The following KYNU variants were observed in gnomAD, a reference collection of about 807,000 sequenced individuals.
The protein encoded by KYNU is L-kynurenine hydrolase.
KYNU carries 54 observed loss-of-function variants against 59.2 expected under a neutral mutation model. The ratio of observed to expected loss-of-function variants is 0.91; its 90% CI spans 0.73 to 1.14. The LOEUF (loss-of-function observed/expected upper bound fraction) is 1.14. Among genes scored for constraint, KYNU ranks in the 50% most tolerant of loss-of-function variants. KYNU has a pLI of 0.00. For synonymous variants in KYNU, 177 were observed against 192.0 expected (o/e 0.92, Z 0.65); for missense variants, 567 against 554.4 (o/e 1.02, Z -0.23).
chr2:142,973,993 A>G (rs912110938), intron 8 of KYNU, among the ~76,000 whole-genome samples: 2 of 152,234 alleles, frequency 1.3e-5, no homozygotes, highest in African/African-American at 4.8e-5. Context: ...ATACTTATGT[A>G]TGCTCCAATT....
At chr2:143,026,763 C>A (rs1686584362) in intron 10 of KYNU, among the ~76,000 whole-genome samples, 1 of 147,216 alleles carries the variant, frequency 6.8e-6, no homozygotes, top group Non-Finnish European at 1.5e-5. Context: ...GTCCGCAGTC[C>A]GCATTAGTGT....
chr2:142,938,365 T>C (rs1253563551), intron 4 of KYNU, among the ~76,000 whole-genome samples: 1 of 152,184 alleles, frequency 6.6e-6, no homozygotes, highest in African/African-American at 2.4e-5. Flanking sequence ...CAAGCCATAA[T>C]AGACTCAGAG....
intron 8 of KYNU, among the ~76,000 whole-genome samples, chr2:142,964,086 T>C (rs556211840): frequency 6.6e-6 from 1 of 152,140 alleles, no homozygotes; most frequent in Non-Finnish European, 1.5e-5. Flanking sequence ...TGTGTGAGAT[T>C]CATTCATGCA....
rs1573931921 is a variant in KYNU, at chr2:143,055,682, G to A, written c.*13510G>A. On this transcript the variant is annotated 3_prime_UTR_variant, in exon 14 of 14. Coordinates refer to ENST00000264170, the MANE Select transcript of KYNU (RefSeq NM_003937.3). ...AGGAAGGAAGGAAGGAAGGAAGGAA[G>A]GAAAGGGAGGAGAGGAGAGGAGAGG... The A allele has an allele frequency of 1.4e-5, 2 of 146,266 alleles. No individual in the cohort carries two copies. The highest frequency in any genetic ancestry group is 6.8e-5 in the Admixed American group (1 of 14,630). The allele number at this position is 146,266 out of a possible 1,614,324, so 9.1% of individuals were successfully genotyped here. A position where few individuals can be genotyped will look rare whatever the true frequency, so the allele number is the denominator to read the frequency against.
chr2:142,981,294 T>A (rs186465213), intron 8 of KYNU, among the ~76,000 whole-genome samples: 9 of 152,260 alleles, frequency 5.9e-5, no homozygotes, highest in African/African-American at 2.2e-4. Flanking sequence ...CTTAGAAAAA[T>A]TGAGTTGTAA....
At chr2:142,966,516 G>A (rs893517172) in intron 8 of KYNU, among the ~76,000 whole-genome samples, 1 of 152,152 alleles carries the variant, frequency 6.6e-6, no homozygotes, top group Non-Finnish European at 1.5e-5. Flanking sequence ...ACAGCTGTTA[G>A]TTTTGCTACA....
chr2:142,985,126 G>A lies in KYNU; in HGVS notation c.772G>A (p.Val258Ile). ...GFDLAHAVGN[V>I]ELYLHDWGVD... ...TGATCTAGCACATGCAGTTGGAAATGTTGAACTCTACTTACATGACTGGGG... is the reference window on the plus strand; with the variant it reads ...TGATCTAGCACATGCAGTTGGAAATATTGAACTCTACTTACATGACTGGGG... Residue 258 changes from valine (V) to isoleucine (I), a missense_variant, in exon 9 of 14, where the codon GTT becomes ATT. Transcript: ENST00000264170. 6.2e-7 allele frequency: 1 copy of A among 1,611,714 alleles called. No homozygotes were observed. The highest frequency in any genetic ancestry group is 8.5e-7 in the Non-Finnish European group (1 of 1,178,298).
rs761016933 is a variant in KYNU at position 142,918,698 on chromosome 2, C to G, written c.259C>G (p.Leu87Val). The G allele has an allele frequency of 6.2e-7, 1 of 1,611,164 alleles. No homozygotes were observed. Among genetic ancestry groups the G allele is most frequent in the Admixed American group, 1.7e-5 (1 of 59,762 alleles). The change falls in exon 3 of 14, where the codon CTT becomes GTT. Residue 87 changes from leucine to valine, a missense_variant. Physicochemically the swap from Leu to Val is conservative, Grantham distance 32. Coordinates refer to ENST00000264170, the MANE Select transcript of KYNU (RefSeq NM_003937.3). ...GLQPKMVKTYLEEELDKWAKI... is the reference protein window; with the variant it reads ...GLQPKMVKTYVEEELDKWAKI... ...TCAACCAAAAATGGTTAAAACATAT[C>G]TTGAAGAAGAACTAGATAAGTGGGC...
At chr2:143,005,469 C>T (rs352884) in intron 10 of KYNU, among the ~76,000 whole-genome samples, 18,660 of 151,872 alleles carry the variant, frequency 0.12, 1,280 homozygotes, top group East Asian at 0.24. Context: ...TTTTTGTCAA[C>T]AAGTCACATG....
chr2:142,900,187 AG>A (rs1682027199), intron 2 of KYNU, among the ~76,000 whole-genome samples: 1 of 152,214 alleles, frequency 6.6e-6, no homozygotes, highest in Admixed American at 6.5e-5. Context: ...GCAAGCCTTT[AG>A]CCTGATCAGG....
At chr2:142,953,452 C>A (rs898061247) in intron 4 of KYNU, among the ~76,000 whole-genome samples, 1 of 152,142 alleles carries the variant, frequency 6.6e-6, no homozygotes, top group South Asian at 2.1e-4. Flanking sequence ...GCTTTAGCCT[C>A]CACAATAATG....
In KYNU at chr2:143,042,047, T is replaced by C. The variant is rs1373990650; in HGVS notation, c.1273T>C (p.Cys425Arg). The stretch of plus-strand genomic sequence containing the variant: ...TTGTGGCTTTATTTTTTCCCCACAG[T>C]GTGACAAGCGGAATCCAAATGGCAT... ...FQELEKRGVV[C>R]DKRNPNGIRV... The change falls in exon 14 of 14, where the codon TGT (cysteine) becomes CGT (arginine). Residue 425 changes from cysteine to arginine, a missense_variant and splice_region_variant. Physicochemically the swap from Cys to Arg is radical, Grantham distance 180 (BLOSUM62 -3). Transcript: ENST00000264170. 2.3e-5 allele frequency: 37 copies of C among 1,611,388 alleles called. No homozygotes were observed. Among genetic ancestry groups the C allele is most frequent in the Non-Finnish European group, 3.1e-5 (37 of 1,178,256 alleles).
intron 12 of KYNU, among the ~76,000 whole-genome samples, chr2:143,035,237 C>T (rs762091758): frequency 2.6e-5 from 4 of 152,050 alleles, no homozygotes; most frequent in Non-Finnish European, 5.9e-5. Flanking sequence ...ACTATGTTAC[C>T]CAGTCAATAT....
At chr2:142,957,034 T>C (rs1311540071) in intron 6 of KYNU, among the ~76,000 whole-genome samples, 2 of 152,118 alleles carry the variant, frequency 1.3e-5, no homozygotes, top group Non-Finnish European at 2.9e-5. Flanking sequence ...TTTTATATTT[T>C]AGTTTTGGTG....
In KYNU at chr2:142,984,002, G is replaced by T. The variant is rs140044341; in HGVS notation, c.730-1082G>T. Among the ~76,000 whole-genome samples the T allele has an allele frequency of 2.6e-5, 4 of 152,054 alleles. No individual in the cohort carries two copies. The East Asian group carries it at 7.8e-4, about 30-fold the overall frequency. On this transcript the variant is annotated intron_variant, in intron 8 of 13. Transcript: ENST00000264170. ...GCAGGAGTAGTTGAATAGCCTTTCC[G>T]TCAATTTTGTGTATTCTTTGATACT...
At chr2:142,887,060 C>T (rs376897418) in intron 2 of KYNU, among the ~76,000 whole-genome samples, 4 of 151,980 alleles carry the variant, frequency 2.6e-5, no homozygotes, top group African/African-American at 9.7e-5. Flanking sequence ...GTCCCAGCTG[C>T]TCGGGAGGCT....
At chr2:142,935,134 T>C (rs918015327) in intron 4 of KYNU, among the ~76,000 whole-genome samples, 1 of 152,198 alleles carries the variant, frequency 6.6e-6, no homozygotes, top group South Asian at 2.1e-4. Flanking sequence ...CTTCTGAAGT[T>C]TGCGTGGAAT....
chr2:143,006,903 C>T (rs891403592), intron 10 of KYNU, among the ~76,000 whole-genome samples: 1 of 152,090 alleles, frequency 6.6e-6, no homozygotes, highest in East Asian at 1.9e-4. Flanking sequence ...AAAAACCCAT[C>T]TGTACATCAC....
chr2:142,956,070 G>T (rs1436304717), intron 5 of KYNU, 133 bp from the exon 6 acceptor site: 1 of 580,566 alleles, frequency 1.7e-6, no homozygotes, highest in Non-Finnish European at 3.0e-6. Context: ...AGGTAGTCCT[G>T]ACAAACACTT....
Sources: allele counts gnomAD v4.1 joint callset (sites outside exome capture counted in the v4.1 genomes callset), GRCh38; gene constraint gnomAD v4.1.1; transcripts MANE v1.5; gene names NCBI Gene and HGNC (gene_info 2026-07-23, HGNC 2026-07-21).